Variants in LCA5L observed in about 807,000 individuals in gnomAD.
LCA5L encodes lebercilin LCA5 like.
In LCA5L, 35 loss-of-function variants were observed where a neutral mutation model predicts 45.4. The ratio of observed to expected loss-of-function variants is 0.77; its 90% CI spans 0.59 to 1.02. The LOEUF (loss-of-function observed/expected upper bound fraction) is 1.02. LCA5L is among the 50% of genes least tolerant of loss of function. LCA5L has a pLI of 0.00. For synonymous variants in LCA5L, 233 were observed against 264.7 expected, an observed-to-expected ratio of 0.88 and a Z score of 1.16; for missense variants, 668 against 761.6, an observed-to-expected ratio of 0.88 and a Z score of 1.45.
chr21:39,429,303 T>C (rs1030123884), intron 3 of LCA5L, 92 bp from the exon 4 acceptor site: 3 of 152,230 alleles, frequency 2.0e-5, no homozygotes, highest in African/African-American at 7.2e-5. Context: ...AGAGGGTTTT[T>C]TTTGAAGTCA....
intron 3 of LCA5L, among the ~76,000 whole-genome samples, chr21:39,433,206 C>A (rs927137436): frequency 2.6e-5 from 4 of 152,054 alleles, no homozygotes; most frequent in African/African-American, 9.7e-5. Context: ...TGCCTGAGGT[C>A]AGGAGTTCGT....
chr21:39,439,788 T>C (rs1271394108), intron 2 of LCA5L: 1 of 151,478 alleles, frequency 6.6e-6, no homozygotes, highest in Non-Finnish European at 1.5e-5. Flanking sequence ...GAAAGCAGAG[T>C]GAAGTAGTTG....
intron 7 of LCA5L, among the ~76,000 whole-genome samples, chr21:39,418,967 G>A (rs1601796738): frequency 1.3e-5 from 2 of 152,108 alleles, no homozygotes; most frequent in Admixed American, 6.5e-5. Context: ...AGCTGCAATA[G>A]CCATGCCTAT....
chr21:39,408,396 G>A (rs1422586589), intron 10 of LCA5L, among the ~76,000 whole-genome samples: 1 of 152,196 alleles, frequency 6.6e-6, no homozygotes, highest in Non-Finnish European at 1.5e-5. Context: ...GCTTAGGAAA[G>A]AGAAGATCCA....
At chr21:39,425,587 T>A (rs964926554) in intron 5 of LCA5L, among the ~76,000 whole-genome samples, 22 of 152,128 alleles carry the variant, frequency 1.4e-4, no homozygotes, top group African/African-American at 5.1e-4. Flanking sequence ...CGAAGAGGTG[T>A]CTGTGGTTTT....
intron 5 of LCA5L, among the ~76,000 whole-genome samples, chr21:39,425,175 C>T (rs1464123282): frequency 6.6e-6 from 1 of 152,208 alleles, no homozygotes; most frequent in African/African-American, 2.4e-5. Flanking sequence ...GATCCTCATT[C>T]TGGAGAGGGA....
At chr21:39,432,358 C>G (rs2075822351) in intron 3 of LCA5L, among the ~76,000 whole-genome samples, 1 of 152,136 alleles carries the variant, frequency 6.6e-6, no homozygotes, top group Non-Finnish European at 1.5e-5. Context: ...ATGATAATAA[C>G]ACTTAAATGA....
chr21:39,427,597 G>C (rs111956989), intron 5 of LCA5L, among the ~76,000 whole-genome samples: 34,691 of 150,652 alleles, frequency 0.23, 4,502 homozygotes, highest in African/African-American at 0.35. Flanking sequence ...GGGAGGCAGA[G>C]CTTGCAGTGA....
At chr21:39,436,933 C>T (rs764068801) in intron 2 of LCA5L, among the ~76,000 whole-genome samples, 1 of 152,170 alleles carries the variant, frequency 6.6e-6, no homozygotes, top group Non-Finnish European at 1.5e-5. Context: ...TCTAACCTAA[C>T]ACCCATTTTA....
intron 7 of LCA5L, among the ~76,000 whole-genome samples, chr21:39,417,746 A>G (rs2041480192): frequency 6.6e-6 from 1 of 151,646 alleles, no homozygotes; most frequent in Non-Finnish European, 1.5e-5. Context: ...GCTTCTTTTT[A>G]TTTATTTATT....
chr21:39,429,066 TTTC>T (rs1164919672), intron 4 of LCA5L, 62 bp downstream of exon 4: 5 of 152,228 alleles, frequency 3.3e-5, no homozygotes, highest in African/African-American at 4.8e-5. Context: ...TGGTTCTGCA[TTTC>T]TTTATTATGC....
intron 7 of LCA5L, among the ~76,000 whole-genome samples, chr21:39,417,516 A>G (rs1187344602): frequency 1.3e-5 from 2 of 152,166 alleles, no homozygotes; most frequent in Admixed American, 6.5e-5. Flanking sequence ...ATAGATGGAT[A>G]TATTTCTATT....
intron 2 of LCA5L, chr21:39,443,559 C>G (rs1428212812): frequency 6.6e-6 from 1 of 152,276 alleles, no homozygotes; most frequent in Admixed American, 6.5e-5. Context: ...CTTCAAGCTT[C>G]TCTATGAAGT....
chr21:39,439,608 C>G (rs1290714412), intron 2 of LCA5L: 1 of 152,208 alleles, frequency 6.6e-6, no homozygotes, highest in Non-Finnish European at 1.5e-5. Flanking sequence ...TTGCCTTGGA[C>G]TATATCTAGG....
At chr21:39,429,339 TAA>T (rs1337860991) in intron 3 of LCA5L, 128 bp from the exon 4 acceptor site, 1 of 152,238 alleles carries the variant, frequency 6.6e-6, no homozygotes, top group Non-Finnish European at 1.5e-5. Flanking sequence ...TGCATCTGCT[TAA>T]TTCTCCAGCC....
At chr21:39,415,557 T>C (rs1269493502) in intron 7 of LCA5L, among the ~76,000 whole-genome samples, 1 of 152,118 alleles carries the variant, frequency 6.6e-6, no homozygotes, top group Admixed American at 6.5e-5. Flanking sequence ...GGGTATCCCT[T>C]TTAAAACCTA....
chr21:39,438,939 T>A (rs982599645), intron 2 of LCA5L: 3 of 152,198 alleles, frequency 2.0e-5, no homozygotes, highest in Admixed American at 2.0e-4. Context: ...GGTACAGTGG[T>A]AGGCTGAATA....
intron 5 of LCA5L, among the ~76,000 whole-genome samples, chr21:39,424,794 G>C (rs139863847): frequency 4.6e-4 from 70 of 152,328 alleles, no homozygotes; most frequent in African/African-American, 1.6e-3. Flanking sequence ...ATTGGCATGT[G>C]TCCAGGGGTC....
chr21:39,417,979 G>C lies in LCA5L; in HGVS notation c.975+2727C>G, dbSNP rs958908209. Reference sequence around the variant, plus strand: ...GATGGGGTTTCGCCGTGTTTGCCAGGATTGTCTCCATCTCCTGACCTCGTG... The same window carrying C: ...GATGGGGTTTCGCCGTGTTTGCCAGCATTGTCTCCATCTCCTGACCTCGTG... On this transcript the variant is annotated intron_variant, in intron 7 of 10. Transcript: ENST00000288350. 2.6e-5 allele frequency among the ~76,000 whole-genome samples: 4 copies of C among 152,240 alleles called. No homozygotes were observed. The East Asian group carries it at 7.7e-4, about 29-fold the overall frequency.
Sources: allele counts gnomAD v4.1 joint callset (sites outside exome capture counted in the v4.1 genomes callset), GRCh38; gene constraint gnomAD v4.1.1; transcripts MANE v1.5; gene names NCBI Gene and HGNC (gene_info 2026-07-23, HGNC 2026-07-21).